The following IRAG1 variants were observed in gnomAD, a reference collection of about 807,000 sequenced individuals.
IRAG1 encodes the protein inositol 1,4,5-triphosphate receptor associated 1.
Under a neutral mutation model 106.2 loss-of-function variants are expected in IRAG1, and 62 were observed. The observed-to-expected ratio is 0.58, with a 90% CI of 0.48 to 0.72. The LOEUF (loss-of-function observed/expected upper bound fraction) is 0.72, where lower values mean the gene tolerates loss of function less well. Among genes scored for constraint, IRAG1 ranks in the 30% least tolerant of loss-of-function variants. IRAG1 has a pLI of 0.00. For missense variants in IRAG1, 1,064 were observed against 1,140.7 expected, an observed-to-expected ratio of 0.93 and a Z score of 0.97; for synonymous variants, 462 against 443.9, an observed-to-expected ratio of 1.04 and a Z score of -0.51.
intron 2 of IRAG1, among the ~76,000 whole-genome samples, chr11:10,643,131 G>A (rs112962246): frequency 2.2e-4 from 28 of 128,724 alleles, no homozygotes; most frequent in African/African-American, 8.3e-4. Flanking sequence ...GCCTGATCGT[G>A]CCACTGCACT....
intron 2 of IRAG1, among the ~76,000 whole-genome samples, chr11:10,641,325 A>C (rs905590669): frequency 2.0e-5 from 3 of 152,214 alleles, no homozygotes; most frequent in Non-Finnish European, 4.4e-5. Flanking sequence ...TTTTGAAAAG[A>C]TGGTTGCTCT....
chr11:10,579,282 T>G (rs537819943), intron 20 of IRAG1, among the ~76,000 whole-genome samples: 1 of 152,320 alleles, frequency 6.6e-6, no homozygotes, highest in East Asian at 1.9e-4. Context: ...CTATCCATTT[T>G]GCTTCTAATC....
chr11:10,630,375 T>TTC (rs1301829623), intron 4 of IRAG1, among the ~76,000 whole-genome samples: 2 of 151,760 alleles, frequency 1.3e-5, no homozygotes. Context: ...CTCTTTTTTT[T>TTC]TTTTTTCTTT....
chr11:10,679,667 G>C (rs955169802), intron 1 of IRAG1, among the ~76,000 whole-genome samples: 2 of 152,200 alleles, frequency 1.3e-5, no homozygotes, highest in East Asian at 3.8e-4. Flanking sequence ...GGACTCTCTA[G>C]ATGCCACGTG....
intron 20 of IRAG1, 138 bp downstream of exon 20, chr11:10,580,317 G>C: frequency 7.5e-7 from 1 of 1,329,374 alleles, no homozygotes; most frequent in Non-Finnish European, 1.0e-6. Context: ...TGCCCTCTTG[G>C]TTTCTTGGGC....
intron 1 of IRAG1, among the ~76,000 whole-genome samples, chr11:10,669,903 T>A (rs921381993): frequency 2.6e-5 from 4 of 152,102 alleles, no homozygotes; most frequent in African/African-American, 9.7e-5. Flanking sequence ...TGTGGCCAGA[T>A]GGCAATAAAA....
chr11:10,616,910 C>T (rs1229808648), intron 10 of IRAG1: 1 of 432,668 alleles, frequency 2.3e-6, no homozygotes, highest in Non-Finnish European at 3.1e-6. Context: ...TAGCTCATTC[C>T]AATGAAAATA....
In IRAG1 at chr11:10,620,044, C is replaced by T. The variant is rs553657456; in HGVS notation, c.1447+3734G>A. ...GGTATAATTTTGTAAGCTAATCTGG[C>T]AGTGTGCACATATACATTTAAAAGT... On this transcript the variant is annotated intron_variant, in intron 10 of 20. Transcript: ENST00000423302. 3.9e-5 allele frequency among the ~76,000 whole-genome samples: 6 copies of T among 152,236 alleles called. No individual in the cohort carries two copies. The East Asian group carries it at 1.2e-3, about 29-fold the overall frequency.
At chr11:10,664,292 G>T (rs549839970) in intron 1 of IRAG1, among the ~76,000 whole-genome samples, 1 of 152,110 alleles carries the variant, frequency 6.6e-6, no homozygotes, top group Non-Finnish European at 1.5e-5. Flanking sequence ...TCAGGTCCCC[G>T]CCTCCTGTTC....
At position 10,597,819 on chromosome 11, in the gene IRAG1, G is replaced by A. The variant is rs553124185; in HGVS notation, c.2017+3099C>T. Reference sequence around the variant, plus strand: ...ATTTTAAGTTGTGAAGTCATCTTCAGTGAGGCTTTATTAGAGGAATCCTGT... The same window carrying A: ...ATTTTAAGTTGTGAAGTCATCTTCAATGAGGCTTTATTAGAGGAATCCTGT... On this transcript the variant is annotated intron_variant, in intron 15 of 20. Coordinates refer to ENST00000423302, the MANE Select transcript of IRAG1 (RefSeq NM_130385.4). 5.3e-5 allele frequency among the ~76,000 whole-genome samples: 8 copies of A among 152,306 alleles called. No individual in the cohort carries two copies. The South Asian group carries it at 1.7e-3, about 32-fold the overall frequency.
chr11:10,656,077 C>T (rs1858899072), intron 1 of IRAG1, among the ~76,000 whole-genome samples: 1 of 152,208 alleles, frequency 6.6e-6, no homozygotes, highest in African/African-American at 2.4e-5. Context: ...CATCTGGGTT[C>T]TGCTGGAGCT....
At chr11:10,585,893 C>A (rs1851910687) in intron 18 of IRAG1, 1 of 152,166 alleles carries the variant, frequency 6.6e-6, no homozygotes, top group Non-Finnish European at 1.5e-5. Flanking sequence ...TCCAGCCCTC[C>A]ATGAACCCCC....
rs1564915638 is a variant in IRAG1, at chr11:10,627,698, A to G, written c.750+18T>C. ...CCCCACACTCAAATCATCCAAAGGG[A>G]GCAAAGCTCAAACTCACAGGCTCGC... On this transcript the variant is annotated intron_variant, in intron 8 of 20. Transcript: ENST00000423302. 6.2e-7 allele frequency: 1 copy of G among 1,613,948 alleles called. No homozygotes were observed. The highest frequency in any genetic ancestry group is 2.2e-5 in the East Asian group (1 of 44,874).
At chr11:10,586,158 G>A (rs2134147393) in intron 18 of IRAG1, 1 of 151,810 alleles carries the variant, frequency 6.6e-6, no homozygotes, top group South Asian at 2.1e-4. Context: ...TGTTTACTGT[G>A]TGTGTGTGTG....
At chr11:10,624,060 G>A (rs1405942061) in intron 9 of IRAG1, among the ~76,000 whole-genome samples, 2 of 152,078 alleles carry the variant, frequency 1.3e-5, no homozygotes, top group Non-Finnish European at 2.9e-5. Flanking sequence ...TGCCTGAAAC[G>A]CCACTGTCAG....
At chr11:10,691,289 GAC>G (rs1268437787) in intron 1 of IRAG1, among the ~76,000 whole-genome samples, 18 of 152,352 alleles carry the variant, frequency 1.2e-4, no homozygotes, top group African/African-American at 4.1e-4. Context: ...CTGGGTGCTA[GAC>G]ACACAACGGG....
chr11:10,693,559 C>T lies in IRAG1; in HGVS notation c.44G>A (p.Gly15Glu). ...ACCTAAAACTGAGTTATTCTCCTTT[C>T]CTCCTCTGGCCAGCCTCTCTTCACT... The part of the protein sequence containing the change: ...PQSEERLARG[G>E]KENNSVLACG... Residue 15 changes from glycine (G) to glutamate (E), a missense_variant, in exon 1 of 21, where the codon GGA becomes GAA. Coordinates refer to ENST00000423302, the MANE Select transcript of IRAG1 (RefSeq NM_130385.4). 6.5e-7 allele frequency: 1 copy of T among 1,535,562 alleles called. No individual in the cohort carries two copies. The highest frequency in any genetic ancestry group is 8.7e-7 in the Non-Finnish European group (1 of 1,146,872).
At chr11:10,580,434 C>T in intron 20 of IRAG1, 21 bp downstream of exon 20, 1 of 1,603,776 alleles carries the variant, frequency 6.2e-7, no homozygotes, top group Non-Finnish European at 8.5e-7. Context: ...ACGGCAAGGA[C>T]TCCAAACACA....
intron 14 of IRAG1, 64 bp downstream of exon 14, chr11:10,603,041 AGTTGCCGCTGCTTGG>A (rs1854165261): frequency 8.0e-6 from 12 of 1,492,680 alleles, no homozygotes; most frequent in Non-Finnish European, 9.9e-6. Flanking sequence ...TGGTATCTGT[AGTTGCCGCTGCTTGG>A]GTGATTGCTC....
Sources: allele counts gnomAD v4.1 joint callset (sites outside exome capture counted in the v4.1 genomes callset), GRCh38; gene constraint gnomAD v4.1.1; transcripts MANE v1.5; gene names NCBI Gene and HGNC (gene_info 2026-07-23, HGNC 2026-07-21).